DSC2: variants seen among roughly 807,000 people sequenced by gnomAD.
The protein encoded by DSC2 is desmocollin 2, also known as desmocollin-2.
DSC2 carries 51 observed loss-of-function variants against 87.6 expected under a neutral mutation model. The ratio of observed to expected loss-of-function variants is 0.58; its 90% CI spans 0.46 to 0.74. DSC2 has a LOEUF of 0.74. DSC2 is among the 30% of genes least tolerant of loss of function. The pLI is 0.00. For synonymous variants in DSC2, 383 were observed against 393.2 expected (o/e 0.97, Z 0.31); for missense variants, 1,066 against 1,089.5 (o/e 0.98, Z 0.30).
chr18:31,080,422 T>C lies in DSC2; in HGVS notation c.1264-70A>G, dbSNP rs1203364209. The C allele has an allele frequency of 5.8e-6, 9 of 1,547,864 alleles. No individual in the cohort carries two copies. In the East Asian group the frequency reaches 1.8e-4, roughly 31 times the overall value. ...ATTTGGCAATGCTAACGAGTATATATAATGTTAAATTTGGAAATATGTTAA... is the reference window on the plus strand; with the variant it reads ...ATTTGGCAATGCTAACGAGTATATACAATGTTAAATTTGGAAATATGTTAA... On this transcript the variant is annotated intron_variant, in intron 9 of 15. Transcript: ENST00000280904.
chr18:31,075,714 G>T (rs1986992736), intron 11 of DSC2, among the ~76,000 whole-genome samples: 1 of 152,156 alleles, frequency 6.6e-6, no homozygotes, highest in Admixed American at 6.5e-5. Flanking sequence ...GCCAGGCATG[G>T]TGGCACATGC....
chr18:31,083,210 T>C, intron 7 of DSC2, 150 bp from the exon 8 acceptor site: 3 of 936,002 alleles, frequency 3.2e-6, no homozygotes, highest in Non-Finnish European at 1.6e-6. Context: ...GAATTTTCTC[T>C]CACTAGTAAT....
At chr18:31,070,871 A>G in intron 13 of DSC2, 21 bp from the exon 14 acceptor site, 1 of 1,612,880 alleles carries the variant, frequency 6.2e-7, no homozygotes. Context: ...AAAGAAATAT[A>G]CTTGAGTTTA....
chr18:31,091,614 T>G (rs1454061261), intron 3 of DSC2: 2 of 458,454 alleles, frequency 4.4e-6, no homozygotes, highest in African/African-American at 4.0e-5. Flanking sequence ...CTCAAACTGC[T>G]GCAGTGAGGA....
rs1260143605 is a variant in DSC2, at chr18:31,060,215, TA to T, written c.*7799del. The T allele has an allele frequency of 1.3e-5, 2 of 152,206 alleles. No homozygotes were observed. Among genetic ancestry groups the T allele is most frequent in the African/African-American group, 4.8e-5 (2 of 41,454 alleles). The allele number at this position is 152,206 out of a possible 1,614,324, so 9.4% of individuals were successfully genotyped here. A position where few individuals can be genotyped will look rare whatever the true frequency, so the allele number is the denominator to read the frequency against. ...TGAGACAAACATCCTTGCATGTGAG[TA>T]GAATCTTTACACTATTCTCTTACTT... is the stretch of plus-strand genomic sequence containing the variant. On this transcript the variant is annotated 3_prime_UTR_variant, in exon 16 of 16. Coordinates refer to ENST00000280904, the MANE Select transcript of DSC2 (RefSeq NM_024422.6).
intron 11 of DSC2, among the ~76,000 whole-genome samples, chr18:31,079,329 C>G (rs190087524): frequency 6.6e-6 from 1 of 152,298 alleles, no homozygotes; most frequent in East Asian, 1.9e-4. Flanking sequence ...TCTTGGCTAA[C>G]TGCAACCTCC....
At chr18:31,079,793 T>C in intron 11 of DSC2, 54 bp downstream of exon 11, 1 of 1,608,216 alleles carries the variant, frequency 6.2e-7, no homozygotes, top group South Asian at 1.1e-5. Flanking sequence ...GCTTAAACAC[T>C]GAAGATGTAT....
In DSC2 at chr18:31,087,692, G is replaced by A; in HGVS notation, c.752C>T (p.Thr251Ile). 1 of 1,612,950 alleles carries A rather than the reference G, an allele frequency of 6.2e-7. No individual in the cohort carries two copies. The highest frequency in any genetic ancestry group is 8.5e-7 in the Non-Finnish European group (1 of 1,179,704). ...ACCCACTCTGCAATTTTCAAAAATT[G>A]TAAAAGTATAAGTTTCTTCTGTAAA... ...PIFTEETYTFTIFENCRVGTT... is the reference protein window; with the variant it reads ...PIFTEETYTFIIFENCRVGTT... Residue 251 changes from threonine to isoleucine, a missense_variant, in exon 6 of 16, where the codon ACA becomes ATA. Transcript: ENST00000280904.
intron 4 of DSC2, among the ~76,000 whole-genome samples, chr18:31,090,784 T>G (rs961720679): frequency 3.9e-5 from 6 of 152,248 alleles, no homozygotes; most frequent in African/African-American, 1.4e-4. Flanking sequence ...CTTGCTGATG[T>G]GACAATTCAT....
chr18:31,081,586 G>A (rs1260911368), intron 9 of DSC2, among the ~76,000 whole-genome samples: 1 of 152,168 alleles, frequency 6.6e-6, no homozygotes, highest in Non-Finnish European at 1.5e-5. Context: ...CATGGTCCTT[G>A]TGAATATATA....
At chr18:31,068,815 T>C (rs1269602153) in intron 15 of DSC2, 79 bp downstream of exon 15, 1 of 1,542,448 alleles carries the variant, frequency 6.5e-7, no homozygotes, top group African/African-American at 1.4e-5. Context: ...AATTGAAAAT[T>C]ATAGTCAGAA....
Position 31,063,897 on chromosome 18 carries a change from A to G in DSC2, c.*4118T>C, listed in dbSNP as rs1986552755. Reference sequence around the variant, plus strand: ...ATTTTGTGTTTAGAATTTATCCTCTAAAACCCTATAGAAAGCTCTTAGGCA... The same window carrying G: ...ATTTTGTGTTTAGAATTTATCCTCTGAAACCCTATAGAAAGCTCTTAGGCA... On this transcript the variant is annotated 3_prime_UTR_variant, in exon 16 of 16. Transcript: ENST00000280904. 1 of 152,204 alleles carries G rather than the reference A, an allele frequency of 6.6e-6. No individual in the cohort carries two copies. Among genetic ancestry groups the G allele is most frequent in the Non-Finnish European group, 1.5e-5 (1 of 68,044 alleles). 9.4% of individuals were successfully genotyped at this position (152,204 alleles called of 1,614,324 possible). A position where few individuals can be genotyped will look rare whatever the true frequency, so the allele number is the denominator to read the frequency against.
chr18:31,100,808 A>G (rs1987917717), intron 1 of DSC2, among the ~76,000 whole-genome samples: 1 of 152,156 alleles, frequency 6.6e-6, no homozygotes, highest in Admixed American at 6.5e-5. Flanking sequence ...TAAGACAAGG[A>G]GCACTTTTCC....
At chr18:31,101,825 A>G (rs1463141929) in intron 1 of DSC2, 78 bp downstream of exon 1, 10 of 1,305,498 alleles carry the variant, frequency 7.7e-6, no homozygotes, top group Non-Finnish European at 1.0e-5. Flanking sequence ...ACCCCCACCT[A>G]TCCCCGTTCC....
Position 31,092,188 on chromosome 18 carries a change from C to T in DSC2, c.267G>A (p.Ser89=), listed in dbSNP as rs201363937. The T allele has an allele frequency of 7.4e-6, 12 of 1,613,446 alleles. No individual in the cohort carries two copies. Among genetic ancestry groups the T allele is most frequent in the Non-Finnish European group, 1.0e-5 (12 of 1,179,758 alleles). ...VYTTNTILLS[S]EKRSFTILLS... Reference sequence around the variant, plus strand: ...GTAATATGGTAAAACTTCTCTTCTCCGAGGACAATAGAATAGTATTTGTTG... The same window carrying T: ...GTAATATGGTAAAACTTCTCTTCTCTGAGGACAATAGAATAGTATTTGTTG... Residue 89 remains serine (S), a synonymous_variant, in exon 3 of 16, where the codon TCG becomes TCA. Coordinates refer to ENST00000280904, the MANE Select transcript of DSC2 (RefSeq NM_024422.6).
intron 5 of DSC2, among the ~76,000 whole-genome samples, chr18:31,089,230 A>C (rs1341036819): frequency 6.6e-6 from 1 of 151,938 alleles, no homozygotes; most frequent in Non-Finnish European, 1.5e-5. Flanking sequence ...AAATAGTAAA[A>C]CCATAATACC....
rs1308573929 is a variant in DSC2 at position 31,059,473 on chromosome 18, A to G, written c.*8542T>C. 3 of 152,226 alleles carry G rather than the reference A, an allele frequency of 2.0e-5. No individual in the cohort carries two copies. Among genetic ancestry groups the G allele is most frequent in the Non-Finnish European group, 4.4e-5 (3 of 68,036 alleles). The allele number at this position is 152,226 out of a possible 1,614,324, so 9.4% of individuals were successfully genotyped here. ...TTCAATTTAATCATTTACTGTAAATATAATATGTTCAGTGAAAACTTTATT... is the reference window on the plus strand; with the variant it reads ...TTCAATTTAATCATTTACTGTAAATGTAATATGTTCAGTGAAAACTTTATT... On this transcript the variant is annotated 3_prime_UTR_variant, in exon 16 of 16. Coordinates refer to ENST00000280904, the MANE Select transcript of DSC2 (RefSeq NM_024422.6).
intron 8 of DSC2, 63 bp downstream of exon 8, chr18:31,082,863 T>C: frequency 6.3e-7 from 1 of 1,575,998 alleles, no homozygotes; most frequent in South Asian, 1.1e-5. Flanking sequence ...AGGCCAGAGA[T>C]GTGCATATTA....
chr18:31,095,718 C>T (rs1987740974), intron 1 of DSC2, among the ~76,000 whole-genome samples: 1 of 152,028 alleles, frequency 6.6e-6, no homozygotes, highest in South Asian at 2.1e-4. Context: ...CCTCATGAAA[C>T]ATTCAATCTA....
Sources: allele counts gnomAD v4.1 joint callset (sites outside exome capture counted in the v4.1 genomes callset), GRCh38; gene constraint gnomAD v4.1.1; transcripts MANE v1.5; gene names NCBI Gene and HGNC (gene_info 2026-07-23, HGNC 2026-07-21).